Variants in EFCAB5 observed in about 807,000 individuals in gnomAD.
The protein encoded by EFCAB5 is EF-hand calcium binding domain 5.
A neutral mutation model predicts 167.9 loss-of-function variants in EFCAB5; 131 were observed. That is an observed-to-expected ratio of 0.78 (90% CI 0.68 to 0.90). The LOEUF (loss-of-function observed/expected upper bound fraction) is 0.90. Ranked by LOEUF, EFCAB5 falls within the 40% of genes least tolerant of loss-of-function variation. The probability of loss-of-function intolerance (pLI) is 0.00; values close to 1 mark genes in which losing one functional copy is unlikely to be tolerated. For synonymous variants in EFCAB5, 574 were observed against 602.8 expected (o/e 0.95, Z 0.70); for missense variants, 1,663 against 1,745.2 (o/e 0.95, Z 0.84).
chr17:30,086,554 T>C (rs2071091737), intron 18 of EFCAB5, among the ~76,000 whole-genome samples: 1 of 151,102 alleles, frequency 6.6e-6, no homozygotes. Context: ...GAGACCAGCC[T>C]GGCCAACATG....
At chr17:30,104,366 C>T (rs1341172724) in intron 22 of EFCAB5, among the ~76,000 whole-genome samples, 1 of 152,096 alleles carries the variant, frequency 6.6e-6, no homozygotes, top group Non-Finnish European at 1.5e-5. Flanking sequence ...TCAGAAATAT[C>T]CTACTATAGC....
At chr17:30,097,039 TATACATATAC>T (rs1239083166) in intron 22 of EFCAB5, among the ~76,000 whole-genome samples, 8 of 106,268 alleles carry the variant, frequency 7.5e-5, no homozygotes, top group South Asian at 2.7e-4. Context: ...TACATATACA[TATACATATAC>T]ATATATATAT....
intron 3 of EFCAB5, among the ~76,000 whole-genome samples, chr17:29,959,233 C>A (rs961066240): frequency 2.0e-5 from 3 of 152,018 alleles, no homozygotes; most frequent in East Asian, 1.9e-4. Flanking sequence ...CCCTTCAGGG[C>A]AACGAGTTCC....
rs931998324 is a variant in EFCAB5 at position 29,943,639 on chromosome 17, C to G, written c.180C>G (p.Ile60Met). The G allele has an allele frequency of 1.3e-6, 2 of 1,575,448 alleles. No individual in the cohort carries two copies. The highest frequency in any genetic ancestry group is 1.7e-6 in the Non-Finnish European group (2 of 1,159,852). Reference sequence around the variant, plus strand: ...TGGTGGAGAAAGCAATGGATGAAATCAAATCCCAAGGTAGAGAACTAGCCT... The same window carrying G: ...TGGTGGAGAAAGCAATGGATGAAATGAAATCCCAAGGTAGAGAACTAGCCT... ...NSVVEKAMDE[I>M]KSQELNLEGQ... Residue 60 changes from isoleucine (I) to methionine (M), a missense_variant, in exon 3 of 23, where the codon ATC becomes ATG. By Grantham distance (10) the Ile-to-Met change is conservative. Transcript: ENST00000394835.
intron 6 of EFCAB5, among the ~76,000 whole-genome samples, chr17:29,998,809 T>C (rs1159481917): frequency 1.3e-5 from 2 of 152,182 alleles, no homozygotes; most frequent in Non-Finnish European, 2.9e-5. Flanking sequence ...AGCCAGTGTA[T>C]AGTTCTTTCA....
intron 7 of EFCAB5, among the ~76,000 whole-genome samples, chr17:30,028,661 C>T (rs1298648546): frequency 6.6e-6 from 1 of 152,144 alleles, no homozygotes; most frequent in Non-Finnish European, 1.5e-5. Context: ...TATTAGTTTG[C>T]TAGTGCTGCC....
chr17:30,019,177 C>T (rs996497161), intron 7 of EFCAB5, among the ~76,000 whole-genome samples: 7 of 152,158 alleles, frequency 4.6e-5, no homozygotes, highest in Non-Finnish European at 8.8e-5. Context: ...GCTTTGTATT[C>T]TGTTTTATTC....
At chr17:30,052,984 C>A (rs945902052) in intron 9 of EFCAB5, among the ~76,000 whole-genome samples, 1 of 152,212 alleles carries the variant, frequency 6.6e-6, no homozygotes. Flanking sequence ...GCAGTCTAAG[C>A]AACACTCCAA....
intron 7 of EFCAB5, among the ~76,000 whole-genome samples, chr17:30,000,821 G>C (rs73267619): frequency 0.097 from 14,690 of 152,136 alleles, 1,622 homozygotes; most frequent in African/African-American, 0.27. Flanking sequence ...TATTTGTCAT[G>C]CATTACTCAC....
intron 7 of EFCAB5, among the ~76,000 whole-genome samples, chr17:30,029,423 T>C (rs2069418876): frequency 6.6e-6 from 1 of 152,182 alleles, no homozygotes; most frequent in Non-Finnish European, 1.5e-5. Context: ...AATATTATAC[T>C]GAAAGTGAAA....
rs2151788326 is a variant in EFCAB5 at position 30,056,139 on chromosome 17, G to C, written c.2348G>C (p.Gly783Ala). 6.2e-7 allele frequency: 1 copy of C among 1,610,174 alleles called. No individual in the cohort carries two copies. The highest frequency in any genetic ancestry group is 8.5e-7 in the Non-Finnish European group (1 of 1,177,930). Reference protein sequence around the residue: ...EDEEQANLIYGNSRFTDLHSI... With the variant: ...EDEEQANLIYANSRFTDLHSI... ...GAGGAACAGGCAAACTTAATCTATG[G>C]TAACTCCAGGTTCACAGGTACATGT... is the stretch of plus-strand genomic sequence containing the variant. The change falls in exon 12 of 23, where the codon GGT (glycine) becomes GCT (alanine). Residue 783 changes from glycine (G) to alanine (A), a missense_variant. Coordinates refer to ENST00000394835, the MANE Select transcript of EFCAB5 (RefSeq NM_198529.4).
intron 7 of EFCAB5, 122 bp from the exon 8 acceptor site, chr17:30,034,108 G>C: frequency 1.6e-6 from 2 of 1,222,558 alleles, no homozygotes; most frequent in Non-Finnish European, 1.1e-6. Flanking sequence ...TAAGTGATAA[G>C]CAAATCATAT....
intron 14 of EFCAB5, among the ~76,000 whole-genome samples, chr17:30,069,800 T>TC (rs1383642001): frequency 6.6e-6 from 1 of 152,154 alleles, no homozygotes; most frequent in African/African-American, 2.4e-5. Flanking sequence ...ACGGACATAT[T>TC]CCCCAAAAAG....
chr17:30,055,320 G>A (rs1020154574), intron 10 of EFCAB5, among the ~76,000 whole-genome samples: 1 of 131,634 alleles, frequency 7.6e-6, no homozygotes, highest in African/African-American at 2.9e-5. Flanking sequence ...AAGAGAGAGA[G>A]AGAGGAAGGA....
intron 8 of EFCAB5, among the ~76,000 whole-genome samples, chr17:30,050,664 C>T (rs1481122490): frequency 4.6e-5 from 7 of 152,148 alleles, no homozygotes; most frequent in African/African-American, 1.7e-4. Context: ...AGCACATACA[C>T]AAAATGTTAA....
At chr17:30,054,278 A>G (rs2070192132) in intron 10 of EFCAB5, 130 bp downstream of exon 10, 4 of 1,184,032 alleles carry the variant, frequency 3.4e-6, no homozygotes, top group Non-Finnish European at 4.6e-6. Flanking sequence ...CCTCAGGCAT[A>G]TTTTGCTGCT....
intron 7 of EFCAB5, among the ~76,000 whole-genome samples, chr17:30,004,617 G>T (rs2068735030): frequency 6.7e-6 from 1 of 149,040 alleles, no homozygotes; most frequent in Non-Finnish European, 1.5e-5. Context: ...CTAACTCTGT[G>T]GGCACTTTTT....
Position 30,108,194 on chromosome 17 carries a change from T to C in EFCAB5, c.*170T>C. 1 of 685,656 alleles carries C rather than the reference T, an allele frequency of 1.5e-6. No homozygotes were observed. The highest frequency in any genetic ancestry group is 2.3e-5 in the South Asian group (1 of 43,602). 42.5% of individuals were successfully genotyped at this position (685,656 alleles called of 1,614,324 possible). On this transcript the variant is annotated 3_prime_UTR_variant, in exon 23 of 23. Transcript: ENST00000394835. ...CCCAAAAGTGCTACCTAAGAAGAAA[T>C]TTAGCCAAAAAATACCCAGCTAAGG... is the stretch of plus-strand genomic sequence containing the variant.
intron 4 of EFCAB5, among the ~76,000 whole-genome samples, chr17:29,982,306 A>G (rs967343882): frequency 3.3e-5 from 5 of 152,182 alleles, no homozygotes; most frequent in African/African-American, 1.2e-4. Flanking sequence ...CTGAGGCAGA[A>G]GAATCGCTTG....
Sources: gnomAD v4.1 joint callset for allele counts (sites outside exome capture counted in the v4.1 genomes callset) on GRCh38, gnomAD v4.1.1 for gene constraint, MANE v1.5 for transcripts, NCBI Gene and HGNC (gene_info 2026-07-23, HGNC 2026-07-21) for gene names.